APBA1: variants seen among roughly 807,000 people sequenced by gnomAD.
The protein encoded by APBA1 is amyloid-beta A4 precursor protein-binding family A member 1.
Under a neutral mutation model 86.6 loss-of-function variants are expected in APBA1, and 55 were observed. That is an observed-to-expected ratio of 0.64 (90% CI 0.51 to 0.80). The LOEUF (loss-of-function observed/expected upper bound fraction) is 0.80, where lower values mean the gene tolerates loss of function less well. APBA1 is among the 30% of genes least tolerant of loss of function. The probability of loss-of-function intolerance (pLI) is 0.00; values close to 1 mark genes in which losing one functional copy is unlikely to be tolerated. For synonymous variants in APBA1, 511 were observed against 493.9 expected (o/e 1.03, Z -0.46); for missense variants, 1,090 against 1,183.0 (o/e 0.92, Z 1.15).
At chr9:69,456,208 A>G in intron 8 of APBA1, 39 bp downstream of exon 8, 1 of 1,611,600 alleles carries the variant, frequency 6.2e-7, no homozygotes, top group Non-Finnish European at 8.5e-7. Context: ...AAGTCAAGAG[A>G]ACCTAACCCA....
intron 1 of APBA1, among the ~76,000 whole-genome samples, chr9:69,614,744 T>G (rs1822667816): frequency 6.6e-6 from 1 of 152,342 alleles, no homozygotes; most frequent in East Asian, 1.9e-4. Context: ...AGAGCTCTAA[T>G]GAAGAAACTG....
chr9:69,567,903 G>A (rs922493405), intron 1 of APBA1, among the ~76,000 whole-genome samples: 1 of 152,122 alleles, frequency 6.6e-6, no homozygotes, highest in Non-Finnish European at 1.5e-5. Context: ...CCACAGGTAT[G>A]ATGAGGTGGG....
intron 2 of APBA1, among the ~76,000 whole-genome samples, chr9:69,482,126 C>G (rs1835520933): frequency 6.6e-6 from 1 of 151,850 alleles, no homozygotes; most frequent in African/African-American, 2.4e-5. Context: ...CAAATGGGAT[C>G]TAATTAAACT....
chr9:69,589,987 C>A (rs971336652), intron 1 of APBA1, among the ~76,000 whole-genome samples: 1 of 152,124 alleles, frequency 6.6e-6, no homozygotes, highest in Admixed American at 6.5e-5. Flanking sequence ...GGGGCTCATG[C>A]CGCTCCTCCT....
chr9:69,644,704 G>A (rs898813117), intron 1 of APBA1, among the ~76,000 whole-genome samples: 2 of 152,202 alleles, frequency 1.3e-5, no homozygotes, highest in African/African-American at 2.4e-5. Flanking sequence ...GGGAGTTGGG[G>A]ATGTCTGTGG....
At chr9:69,608,115 T>C (rs928655453) in intron 1 of APBA1, among the ~76,000 whole-genome samples, 1 of 152,234 alleles carries the variant, frequency 6.6e-6, no homozygotes, top group Non-Finnish European at 1.5e-5. Flanking sequence ...AAGTGCATGA[T>C]ACTGTAAAAT....
At chr9:69,668,409 C>T (rs563017939) in intron 1 of APBA1, among the ~76,000 whole-genome samples, 10 of 152,212 alleles carry the variant, frequency 6.6e-5, no homozygotes, top group African/African-American at 1.4e-4. Flanking sequence ...AGATAATTCC[C>T]GCACACCACC....
In APBA1 at chr9:69,467,936, CG is replaced by C. The variant is rs1554691004; in HGVS notation, c.1368del (p.Ile456MetfsTer28). 6.2e-7 allele frequency: 1 copy of C among 1,614,014 alleles called. No homozygotes were observed. The highest frequency in any genetic ancestry group is 8.5e-7 in the Non-Finnish European group (1 of 1,180,048). ...TAATTGGCGGCAAAAATGATTCCATCGATCAAGTCTTCGGGGTCGCAGGGTC... is the reference window on the plus strand; with the variant it reads ...TAATTGGCGGCAAAAATGATTCCATCATCAAGTCTTCGGGGTCGCAGGGTC... ...VPGPCDPEDL[I>X]DGIIFAANYL... On this transcript the variant is annotated frameshift_variant, in exon 5 of 13. Coordinates refer to ENST00000265381, the MANE Select transcript of APBA1 (RefSeq NM_001163.4). LOFTEE classifies it high-confidence loss of function.
At chr9:69,539,356 C>A (rs1225161249) in intron 1 of APBA1, among the ~76,000 whole-genome samples, 1 of 152,218 alleles carries the variant, frequency 6.6e-6, no homozygotes, top group African/African-American at 2.4e-5. Context: ...CCACTGTCTG[C>A]CTCATCATTC....
chr9:69,606,781 C>T (rs1039434590), intron 1 of APBA1, among the ~76,000 whole-genome samples: 2 of 152,028 alleles, frequency 1.3e-5, no homozygotes, highest in African/African-American at 2.4e-5. Context: ...CTTGAGCCAC[C>T]GTGCCTGGCC....
At chr9:69,598,636 T>A (rs1358898740) in intron 1 of APBA1, among the ~76,000 whole-genome samples, 1 of 151,970 alleles carries the variant, frequency 6.6e-6, no homozygotes, top group African/African-American at 2.4e-5. Flanking sequence ...ATCTACTGAA[T>A]GAATAAATAG....
chr9:69,580,658 G>C (rs905807975), intron 1 of APBA1, among the ~76,000 whole-genome samples: 5 of 152,150 alleles, frequency 3.3e-5, no homozygotes, highest in African/African-American at 1.2e-4. Flanking sequence ...ATTTTTTGCT[G>C]TAGGAAACTT....
chr9:69,633,372 A>G (rs982460938), intron 1 of APBA1, among the ~76,000 whole-genome samples: 7 of 152,144 alleles, frequency 4.6e-5, no homozygotes, highest in African/African-American at 1.4e-4. Context: ...CGTGCAAAAC[A>G]TGAAGGAAAG....
At chr9:69,637,846 C>T (rs1430937154) in intron 1 of APBA1, among the ~76,000 whole-genome samples, 1 of 152,184 alleles carries the variant, frequency 6.6e-6, no homozygotes, top group Non-Finnish European at 1.5e-5. Flanking sequence ...TCATGCCCAA[C>T]ACTGGGCCAG....
At chr9:69,654,324 G>A (rs1413270507) in intron 1 of APBA1, among the ~76,000 whole-genome samples, 1 of 152,010 alleles carries the variant, frequency 6.6e-6, no homozygotes, top group Non-Finnish European at 1.5e-5. Flanking sequence ...AGAAGATCAG[G>A]TGCGGTGGCT....
chr9:69,643,637 T>C (rs754703068), intron 1 of APBA1, among the ~76,000 whole-genome samples: 2 of 152,192 alleles, frequency 1.3e-5, no homozygotes, highest in Non-Finnish European at 2.9e-5. Context: ...CTGCCTGGAC[T>C]CTATCACTTT....
intron 1 of APBA1, among the ~76,000 whole-genome samples, chr9:69,529,246 G>A (rs554446359): frequency 2.0e-5 from 3 of 152,140 alleles, no homozygotes; most frequent in African/African-American, 4.8e-5. Flanking sequence ...ATGATTAAAA[G>A]CAGCCACATT....
intron 4 of APBA1, 142 bp from the exon 5 acceptor site, chr9:69,468,110 G>A (rs1835310236): frequency 1.1e-6 from 1 of 946,010 alleles, no homozygotes; most frequent in African/African-American, 1.6e-5. Context: ...GCATCTCTCT[G>A]TGTCTATCTG....
chr9:69,540,421 A>C (rs762534953), intron 1 of APBA1, among the ~76,000 whole-genome samples: 1 of 152,140 alleles, frequency 6.6e-6, no homozygotes, highest in Non-Finnish European at 1.5e-5. Flanking sequence ...GTAACTGTAC[A>C]ATAGAGTACA....
Sources: allele counts gnomAD v4.1 joint callset (sites outside exome capture counted in the v4.1 genomes callset), GRCh38; gene constraint gnomAD v4.1.1; transcripts MANE v1.5; gene names NCBI Gene and HGNC (gene_info 2026-07-23, HGNC 2026-07-21).